The following APP variants were observed in gnomAD, a reference collection of about 807,000 sequenced individuals.
APP encodes the protein amyloid beta precursor protein, also known as amyloid-beta precursor protein.
A neutral mutation model predicts 101.4 loss-of-function variants in APP; 31 were observed. The ratio of observed to expected loss-of-function variants is 0.31; its 90% confidence interval spans 0.23 to 0.41. The LOEUF is 0.41. Ranked by LOEUF, APP falls within the 10% of genes least tolerant of loss-of-function variation. APP has a pLI of 1.00. For synonymous variants in APP, 366 were observed against 364.4 expected (o/e 1.00, Z -0.05); for missense variants, 839 against 1,003.7 (o/e 0.84, Z 2.22).
At chr21:25,920,091 G>C (rs2146349170) in intron 13 of APP, among the ~76,000 whole-genome samples, 2 of 127,394 alleles carry the variant, frequency 1.6e-5, no homozygotes, top group Admixed American at 1.6e-4. Flanking sequence ...TTAAAGAAAA[G>C]AATTTTCAAC....
chr21:26,091,114 C>A (rs2061813608), intron 2 of APP, among the ~76,000 whole-genome samples: 1 of 152,200 alleles, frequency 6.6e-6, no homozygotes, highest in African/African-American at 2.4e-5. Context: ...ATAAACCTTG[C>A]ATTGCAACAG....
chr21:26,129,857 AAG>A (rs1266558374), intron 1 of APP, among the ~76,000 whole-genome samples: 1 of 151,482 alleles, frequency 6.6e-6, no homozygotes, highest in Non-Finnish European at 1.5e-5. Context: ...ACACAAGTGA[AAG>A]AGAGTTCAGC....
intron 2 of APP, among the ~76,000 whole-genome samples, chr21:26,102,166 G>A (rs534686336): frequency 2.3e-5 from 3 of 128,770 alleles, no homozygotes; most frequent in African/African-American, 6.0e-5. Context: ...TCGGCTCACC[G>A]CAAGCTCCAC....
At chr21:26,166,292 C>T (rs2063605894) in intron 1 of APP, among the ~76,000 whole-genome samples, 1 of 151,944 alleles carries the variant, frequency 6.6e-6, no homozygotes. Context: ...CATTCCTTCC[C>T]CTGCCACCTT....
chr21:26,056,452 T>A (rs767071545), intron 3 of APP, among the ~76,000 whole-genome samples: 2 of 152,198 alleles, frequency 1.3e-5, no homozygotes, highest in Non-Finnish European at 2.9e-5. Flanking sequence ...ACTCTTACTT[T>A]CATCTGGCAG....
chr21:25,970,522 C>CA (rs1364250993), intron 11 of APP, among the ~76,000 whole-genome samples: 1 of 151,772 alleles, frequency 6.6e-6, no homozygotes. Context: ...GCGTGTTCTC[C>CA]AAAAAAGAGA....
At chr21:25,950,381 CTTTTTTTTTTTTTTT>C (rs1381666067) in intron 13 of APP, among the ~76,000 whole-genome samples, 2 of 133,126 alleles carry the variant, frequency 1.5e-5, no homozygotes, top group African/African-American at 5.5e-5. Context: ...TTTTTTTTTT[CTTTTTTTTTTTTTTT>C]GGAGACGGAG....
chr21:25,906,210 T>C (rs939248993), intron 14 of APP, among the ~76,000 whole-genome samples: 7 of 152,232 alleles, frequency 4.6e-5, no homozygotes, highest in Admixed American at 3.3e-4. Context: ...GTAAGCCAAG[T>C]CTCCAAAATA....
At chr21:25,973,302 C>T (rs576503696) in intron 11 of APP, among the ~76,000 whole-genome samples, 1 of 152,260 alleles carries the variant, frequency 6.6e-6, no homozygotes, top group East Asian at 1.9e-4. Context: ...AAGGAAAACG[C>T]AAGACCCAAT....
intron 5 of APP, among the ~76,000 whole-genome samples, chr21:26,045,241 C>T (rs978408074): frequency 3.3e-5 from 5 of 151,312 alleles, no homozygotes; most frequent in African/African-American, 1.2e-4. Flanking sequence ...TTTTAAATAT[C>T]TTAAATTTTT....
chr21:26,151,956 T>A (rs994585503), intron 1 of APP, among the ~76,000 whole-genome samples: 1 of 152,084 alleles, frequency 6.6e-6, no homozygotes, highest in Non-Finnish European at 1.5e-5. Flanking sequence ...TTCCAGCCTA[T>A]GTTCAGGCTA....
intron 1 of APP, among the ~76,000 whole-genome samples, chr21:26,118,036 G>C (rs1044216778): frequency 6.6e-6 from 1 of 152,046 alleles, no homozygotes; most frequent in Admixed American, 6.6e-5. Flanking sequence ...TGCAAAAATC[G>C]CAATTACTTT....
chr21:25,983,784 TAC>T (rs1270707142), intron 8 of APP, among the ~76,000 whole-genome samples: 1 of 152,222 alleles, frequency 6.6e-6, no homozygotes, highest in East Asian at 1.9e-4. Flanking sequence ...CTGGTGCCTT[TAC>T]ACAGCTGCCC....
intron 2 of APP, among the ~76,000 whole-genome samples, chr21:26,111,519 T>C (rs151264293): frequency 1.3e-5 from 2 of 152,190 alleles, no homozygotes; most frequent in African/African-American, 4.8e-5. Context: ...AGAGGATCGC[T>C]TGAGCCCAGG....
intron 6 of APP, among the ~76,000 whole-genome samples, chr21:26,017,198 CAA>C (rs35206910): frequency 8.9e-5 from 5 of 56,364 alleles, no homozygotes; most frequent in African/African-American, 2.5e-4. Flanking sequence ...GACTGTATCT[CAA>C]AAAAAAAAAA....
At chr21:26,053,857 AAG>A (rs1156859055) in intron 3 of APP, among the ~76,000 whole-genome samples, 1 of 152,118 alleles carries the variant, frequency 6.6e-6, no homozygotes, top group Non-Finnish European at 1.5e-5. Flanking sequence ...TAACACACAT[AAG>A]AGAGAGAGAG....
intron 1 of APP, among the ~76,000 whole-genome samples, chr21:26,140,698 T>G (rs1323579375): frequency 6.6e-6 from 1 of 152,254 alleles, no homozygotes; most frequent in Non-Finnish European, 1.5e-5. Context: ...GATAACTGAA[T>G]GAACACCTTT....
chr21:26,070,050 C>T (rs2046612483), intron 3 of APP, among the ~76,000 whole-genome samples: 1 of 152,220 alleles, frequency 6.6e-6, no homozygotes, highest in South Asian at 2.1e-4. Flanking sequence ...AATTCTGTCA[C>T]TGTACTAGCA....
intron 5 of APP, among the ~76,000 whole-genome samples, chr21:26,025,669 G>C (rs1034318513): frequency 6.6e-6 from 1 of 152,200 alleles, no homozygotes; most frequent in African/African-American, 2.4e-5. Flanking sequence ...CCGTGAAAAA[G>C]AGTGAATTAT....
Sources: gnomAD v4.1 joint callset for allele counts (sites outside exome capture counted in the v4.1 genomes callset) on GRCh38, gnomAD v4.1.1 for gene constraint, MANE v1.5 for transcripts, NCBI Gene and HGNC (gene_info 2026-07-23, HGNC 2026-07-21) for gene names.